PTPRD: variants seen among roughly 807,000 people sequenced by gnomAD.
The protein encoded by PTPRD is receptor-type tyrosine-protein phosphatase delta.
PTPRD carries 34 observed loss-of-function variants against 214.5 expected under a neutral mutation model. That is an observed-to-expected ratio of 0.16 (90% CI 0.12 to 0.21). The LOEUF is 0.21. Ranked by LOEUF, PTPRD falls within the 10% of genes least tolerant of loss-of-function variation. PTPRD has a pLI of 1.00. For missense variants in PTPRD, 2,545 were observed against 2,398.7 expected, an observed-to-expected ratio of 1.06 and a Z score of -1.27; for synonymous variants, 1,128 against 845.7, an observed-to-expected ratio of 1.33 and a Z score of -5.79.
chr9:10,449,181 G>A (rs1325973355), intron 2 of PTPRD, among the ~76,000 whole-genome samples: 6 of 151,960 alleles, frequency 3.9e-5, no homozygotes, highest in South Asian at 2.1e-4. Flanking sequence ...CTGGGATTGC[G>A]GGCGGGTGCC....
chr9:8,858,834 C>CACACAG (rs2098026546), intron 11 of PTPRD, among the ~76,000 whole-genome samples: 1 of 147,398 alleles, frequency 6.8e-6, no homozygotes, highest in Non-Finnish European at 1.5e-5. Context: ...CACACATACA[C>CACACAG]ACACACAGAC....
At chr9:10,403,397 A>T (rs979302703) in intron 2 of PTPRD, among the ~76,000 whole-genome samples, 3 of 150,926 alleles carry the variant, frequency 2.0e-5, no homozygotes, top group African/African-American at 4.9e-5. Context: ...TAGTTAATTA[A>T]TTTTTTTAAT....
At chr9:10,266,352 A>G (rs528703947) in intron 3 of PTPRD, among the ~76,000 whole-genome samples, 3 of 152,204 alleles carry the variant, frequency 2.0e-5, no homozygotes, top group Non-Finnish European at 2.9e-5. Context: ...GTAGCCCTTC[A>G]TAAGATATGC....
At chr9:8,639,589 G>C (rs2096528777) in intron 12 of PTPRD, among the ~76,000 whole-genome samples, 1 of 152,190 alleles carries the variant, frequency 6.6e-6, no homozygotes. Context: ...CTAGAAGTAG[G>C]ATACCCTTTT....
intron 3 of PTPRD, among the ~76,000 whole-genome samples, chr9:10,209,378 A>T (rs1052351171): frequency 5.9e-5 from 9 of 152,148 alleles, no homozygotes; most frequent in African/African-American, 2.2e-4. Context: ...AATCAATCTC[A>T]TTTTTTAAAT....
intron 5 of PTPRD, among the ~76,000 whole-genome samples, chr9:9,915,549 A>G (rs1288665681): frequency 6.6e-6 from 1 of 151,862 alleles, no homozygotes; most frequent in Admixed American, 6.6e-5. Context: ...TAAAAAAAGA[A>G]CCAAACAGAA....
At chr9:8,611,030 G>A (rs1289429851) in intron 14 of PTPRD, among the ~76,000 whole-genome samples, 3 of 151,956 alleles carry the variant, frequency 2.0e-5, no homozygotes, top group Non-Finnish European at 2.9e-5. Context: ...TAAATTTATG[G>A]TTTATTCTTT....
At chr9:9,377,532 G>T (rs2061109493) in intron 9 of PTPRD, among the ~76,000 whole-genome samples, 2 of 152,050 alleles carry the variant, frequency 1.3e-5, no homozygotes, top group South Asian at 4.1e-4. Flanking sequence ...CATTATTATT[G>T]ATCCTATTAT....
chr9:9,575,079 A>C (rs1252628409), intron 7 of PTPRD, among the ~76,000 whole-genome samples: 2 of 152,160 alleles, frequency 1.3e-5, no homozygotes, highest in African/African-American at 4.8e-5. Flanking sequence ...TTGCAAGCTT[A>C]ATGTATTTTG....
chr9:8,346,487 G>C (rs547519966), intron 39 of PTPRD, among the ~76,000 whole-genome samples: 1 of 152,192 alleles, frequency 6.6e-6, no homozygotes, highest in African/African-American at 2.4e-5. Context: ...CCAGAAATAA[G>C]TTTTCAATGA....
chr9:8,672,154 C>T (rs934791999), intron 12 of PTPRD, among the ~76,000 whole-genome samples: 5 of 152,184 alleles, frequency 3.3e-5, no homozygotes, highest in African/African-American at 1.2e-4. Context: ...CAATCTAACA[C>T]TAATAAAACC....
intron 9 of PTPRD, among the ~76,000 whole-genome samples, chr9:9,352,325 ATATGTG>A (rs1326398160): frequency 0.01 from 1,471 of 142,632 alleles, 17 homozygotes; most frequent in Non-Finnish European, 0.015. Flanking sequence ...ATATATATAT[ATATGTG>A]TGTGTGTGTG....
intron 8 of PTPRD, among the ~76,000 whole-genome samples, chr9:9,518,963 T>C (rs926303687): frequency 7.2e-5 from 11 of 152,040 alleles, no homozygotes; most frequent in African/African-American, 2.7e-4. Flanking sequence ...TTGTTCTTTC[T>C]GTATGTGGAC....
intron 11 of PTPRD, among the ~76,000 whole-genome samples, chr9:8,922,629 C>G (rs1452952706): frequency 6.6e-6 from 1 of 151,018 alleles, no homozygotes; most frequent in African/African-American, 2.4e-5. Flanking sequence ...AGTTTTTTAA[C>G]TTCTTCTAAT....
At chr9:9,257,157 T>C (rs1025178341) in intron 9 of PTPRD, among the ~76,000 whole-genome samples, 1 of 151,896 alleles carries the variant, frequency 6.6e-6, no homozygotes, top group African/African-American at 2.4e-5. Context: ...TCCTCTTTTG[T>C]GGGGGGTAGA....
intron 3 of PTPRD, among the ~76,000 whole-genome samples, chr9:10,151,064 T>C (rs2099057459): frequency 6.9e-6 from 1 of 145,696 alleles, no homozygotes; most frequent in African/African-American, 2.5e-5. Context: ...GTTAACTTTT[T>C]TTTTTTTTTT....
intron 8 of PTPRD, among the ~76,000 whole-genome samples, chr9:9,553,919 T>C (rs866907007): frequency 6.6e-6 from 1 of 152,022 alleles, no homozygotes; most frequent in Non-Finnish European, 1.5e-5. Context: ...TGCAGGCATA[T>C]ACCCTCTGAC....
At chr9:9,844,247 C>G (rs1013095233) in intron 5 of PTPRD, among the ~76,000 whole-genome samples, 7 of 152,080 alleles carry the variant, frequency 4.6e-5, no homozygotes, top group African/African-American at 1.7e-4. Flanking sequence ...TATACACACA[C>G]TTTCTGTAAT....
chr9:10,492,698 G>A (rs1330927545), intron 2 of PTPRD, among the ~76,000 whole-genome samples: 2 of 152,076 alleles, frequency 1.3e-5, no homozygotes, highest in Non-Finnish European at 2.9e-5. Context: ...CTTTTGATGT[G>A]CAGAAGCTCT....
Sources: gnomAD v4.1 joint callset for allele counts (sites outside exome capture counted in the v4.1 genomes callset) on GRCh38, gnomAD v4.1.1 for gene constraint, MANE v1.5 for transcripts, NCBI Gene and HGNC (gene_info 2026-07-23, HGNC 2026-07-21) for gene names.